Variants in ANO2 observed in about 807,000 individuals in gnomAD.
ANO2 encodes the protein anoctamin-2.
Under a neutral mutation model 124.2 loss-of-function variants are expected in ANO2, and 101 were observed. That is an observed-to-expected ratio of 0.81 (90% CI 0.69 to 0.96). The LOEUF (loss-of-function observed/expected upper bound fraction) is 0.96. Ranked by LOEUF, ANO2 falls within the 40% of genes least tolerant of loss-of-function variation. The pLI, the probability that ANO2 is intolerant of heterozygous loss-of-function variation, is 0.00. For synonymous variants in ANO2, 486 were observed against 482.5 expected, an observed-to-expected ratio of 1.01 and a Z score of -0.09; for missense variants, 1,293 against 1,274.5, an observed-to-expected ratio of 1.01 and a Z score of -0.22.
At position 5,568,678 on chromosome 12, in the gene ANO2, G is replaced by A. The variant is rs930567405; in HGVS notation, c.2622-3015C>T. 2.0e-5 allele frequency among the ~76,000 whole-genome samples: 3 copies of A among 152,210 alleles called. No homozygotes were observed. The South Asian group carries it at 6.2e-4, about 32-fold the overall frequency. On this transcript the variant is annotated intron_variant, in intron 23 of 24. Transcript: ENST00000682330. ...TTTAAGAATAGAAGTGTTCACCAAA[G>A]AGAGTGGCTAATCAACCGAATAATT...
chr12:5,640,504 T>A (rs1485123369), intron 15 of ANO2, among the ~76,000 whole-genome samples: 1 of 152,074 alleles, frequency 6.6e-6, no homozygotes, highest in Non-Finnish European at 1.5e-5. Context: ...ATATCCTGAA[T>A]CTACAAAGAA....
intron 11 of ANO2, among the ~76,000 whole-genome samples, chr12:5,747,115 G>T (rs1024533515): frequency 1.3e-5 from 2 of 152,194 alleles, no homozygotes; most frequent in African/African-American, 4.8e-5. Context: ...CGAAACCACG[G>T]GAGGAAGCTA....
intron 1 of ANO2, among the ~76,000 whole-genome samples, chr12:5,923,808 GTC>G (rs1941951811): frequency 6.6e-6 from 1 of 152,156 alleles, no homozygotes. Flanking sequence ...CTCAGCGCAG[GTC>G]AGACTCAATC....
chr12:5,923,174 G>GCACA lies in ANO2; in HGVS notation c.23-374_23-371dup, dbSNP rs1162670995. ...CATACACACACGCATACACACACAC[G>GCACA]CACACACACATACACACACACGCAC... is the stretch of plus-strand genomic sequence containing the variant. On this transcript the variant is annotated intron_variant, in intron 1 of 24. Transcript: ENST00000682330. Among the ~76,000 whole-genome samples, 36 of 8,898 alleles carry GCACA rather than the reference G, an allele frequency of 4.0e-3. 4 individuals carry two copies. Among genetic ancestry groups the GCACA allele is most frequent in the African/African-American group, 7.8e-3 (34 of 4,342 alleles). The allele number at this position is 8,898 out of a possible 152,430, so 5.8% of individuals were successfully genotyped here.
chr12:5,784,689 T>C (rs904924922), intron 10 of ANO2, among the ~76,000 whole-genome samples: 4 of 152,288 alleles, frequency 2.6e-5, no homozygotes, highest in African/African-American at 7.2e-5. Context: ...ACCTCCTCCC[T>C]GAGCAGGACA....
At chr12:5,906,298 C>G (rs2136287415) in intron 3 of ANO2, among the ~76,000 whole-genome samples, 1 of 148,016 alleles carries the variant, frequency 6.8e-6, no homozygotes, top group East Asian at 2.0e-4. Flanking sequence ...TTGAATCATT[C>G]AACAAACAGC....
At chr12:5,922,880 C>T (rs1941782288) in intron 1 of ANO2, 76 bp from the exon 2 acceptor site, 3 of 1,340,928 alleles carry the variant, frequency 2.2e-6, no homozygotes, top group Non-Finnish European at 2.9e-6. Context: ...ACTGAGTGTA[C>T]TCAGACACTA....
chr12:5,845,336 G>A (rs999527723), intron 4 of ANO2, among the ~76,000 whole-genome samples: 1 of 151,918 alleles, frequency 6.6e-6, no homozygotes, highest in African/African-American at 2.4e-5. Flanking sequence ...GGGAGGCCGA[G>A]GCAGTTGGAT....
At chr12:5,565,486 A>G in intron 24 of ANO2, 72 bp downstream of exon 24, 1 of 1,309,608 alleles carries the variant, frequency 7.6e-7, no homozygotes, top group Non-Finnish European at 1.1e-6. Flanking sequence ...AGGTAGGTGC[A>G]AGCAATGAGT....
At chr12:5,843,193 T>G (rs1307261400) in intron 4 of ANO2, among the ~76,000 whole-genome samples, 1 of 152,358 alleles carries the variant, frequency 6.6e-6, no homozygotes. Flanking sequence ...GAAAGTCATG[T>G]TGAAGACTGA....
At chr12:5,677,659 C>T (rs1179251107) in intron 14 of ANO2, among the ~76,000 whole-genome samples, 4 of 152,202 alleles carry the variant, frequency 2.6e-5, no homozygotes, top group Non-Finnish European at 5.9e-5. Context: ...CCACCCATGC[C>T]TACTGGAGGT....
chr12:5,645,783 G>T (rs565176574), intron 15 of ANO2, among the ~76,000 whole-genome samples: 2 of 152,104 alleles, frequency 1.3e-5, no homozygotes, highest in South Asian at 2.1e-4. Flanking sequence ...ATTTTTTGAG[G>T]CCTGGCATAA....
chr12:5,894,122 CTA>C (rs560682332), intron 3 of ANO2, among the ~76,000 whole-genome samples: 1 of 152,160 alleles, frequency 6.6e-6, no homozygotes, highest in Non-Finnish European at 1.5e-5. Flanking sequence ...AAAAGTGTTC[CTA>C]TTCCTCCACT....
At chr12:5,938,079 T>C (rs1268382424) in intron 1 of ANO2, among the ~76,000 whole-genome samples, 1 of 152,210 alleles carries the variant, frequency 6.6e-6, no homozygotes, top group Non-Finnish European at 1.5e-5. Flanking sequence ...CCTGTGCATG[T>C]GAAGCCTCAC....
chr12:5,921,109 CCT>C lies in ANO2; in HGVS notation c.463_464del (p.Arg155GlufsTer8). ...LGPLDALEEE[R>X]KEQREEFEHN... ...GCTCAAATTCCTCCCGCTGCTCCTTCCTCTCCTCCTCCAGGGCATCGAGCGGT... is the reference window on the plus strand; with the variant it reads ...GCTCAAATTCCTCCCGCTGCTCCTTCCTCCTCCTCCAGGGCATCGAGCGGT... On this transcript the variant is annotated frameshift_variant, in exon 3 of 25. Coordinates refer to ENST00000682330, the MANE Select transcript of ANO2 (RefSeq NM_001364791.2). LOFTEE classifies it high-confidence loss of function. The C allele has an allele frequency of 6.2e-7, 1 of 1,613,966 alleles. No individual in the cohort carries two copies. Among genetic ancestry groups the C allele is most frequent in the Non-Finnish European group, 8.5e-7 (1 of 1,179,880 alleles).
intron 3 of ANO2, among the ~76,000 whole-genome samples, chr12:5,867,778 G>GAAAAAAAA (rs10622876): frequency 1.3e-5 from 1 of 78,542 alleles, no homozygotes; most frequent in Non-Finnish European, 2.3e-5. Flanking sequence ...GCACTATAAT[G>GAAAAAAAA]AAAAAAAAAA....
intron 1 of ANO2, among the ~76,000 whole-genome samples, chr12:5,927,669 C>T (rs940440692): frequency 1.3e-5 from 2 of 152,220 alleles, no homozygotes; most frequent in East Asian, 1.9e-4. Context: ...GCCCATGCTA[C>T]GTCCTGATAT....
intron 4 of ANO2, among the ~76,000 whole-genome samples, chr12:5,841,076 C>T (rs890426932): frequency 6.6e-6 from 1 of 152,210 alleles, no homozygotes; most frequent in Non-Finnish European, 1.5e-5. Context: ...CTGCTCTCCC[C>T]GCCAGGTGGT....
At chr12:5,591,863 G>A (rs903359139) in intron 20 of ANO2, among the ~76,000 whole-genome samples, 4 of 152,162 alleles carry the variant, frequency 2.6e-5, no homozygotes, top group Non-Finnish European at 5.9e-5. Flanking sequence ...CCACAGCGCT[G>A]CCCCGGGGGA....
Sources: gnomAD v4.1 joint callset for allele counts (sites outside exome capture counted in the v4.1 genomes callset) on GRCh38, gnomAD v4.1.1 for gene constraint, MANE v1.5 for transcripts, NCBI Gene and HGNC (gene_info 2026-07-23, HGNC 2026-07-21) for gene names.